The following GTF2I variants were observed in gnomAD, a reference collection of about 807,000 sequenced individuals.
The protein encoded by GTF2I is general transcription factor IIi, also known as general transcription factor II-I.
In GTF2I, 12 loss-of-function variants were observed where a neutral mutation model predicts 67.6. That is an observed-to-expected ratio of 0.18 (90% CI 0.11 to 0.29). The LOEUF is 0.29. GTF2I is among the 10% of genes least tolerant of loss of function. The pLI is 1.00. For synonymous variants in GTF2I, 149 were observed against 197.0 expected (o/e 0.76, Z 2.04); for missense variants, 271 against 580.1 (o/e 0.47, Z 5.47).
intron 3 of GTF2I, among the ~76,000 whole-genome samples, chr7:74,698,652 T>G (rs1166951854): frequency 6.7e-6 from 1 of 150,336 alleles, no homozygotes; most frequent in Non-Finnish European, 1.5e-5. Context: ...GCTCAAGCAA[T>G]CCTCCTGCTT....
At chr7:74,719,153 G>A (rs1163625973) in intron 12 of GTF2I, among the ~76,000 whole-genome samples, 3 of 152,182 alleles carry the variant, frequency 2.0e-5, no homozygotes, top group Non-Finnish European at 2.9e-5. Context: ...TGGCCCACGG[G>A]TGGCCCAAGC....
intron 12 of GTF2I, among the ~76,000 whole-genome samples, chr7:74,722,334 G>A (rs1326273045): frequency 1.3e-5 from 2 of 152,112 alleles, no homozygotes; most frequent in Admixed American, 6.6e-5. Flanking sequence ...TAATAGGACC[G>A]CATGCCTCAG....
chr7:74,727,046 A>G (rs1554405857), intron 12 of GTF2I: 2 of 152,240 alleles, frequency 1.3e-5, no homozygotes, highest in African/African-American at 4.8e-5. Flanking sequence ...AGCATTTTAT[A>G]GCGTCATTAG....
chr7:74,674,366 T>G (rs1312422229), intron 1 of GTF2I, among the ~76,000 whole-genome samples: 3 of 152,156 alleles, frequency 2.0e-5, no homozygotes, highest in Admixed American at 6.6e-5. Flanking sequence ...GCGCCCAGTC[T>G]GAGTCACTTT....
In GTF2I at chr7:74,691,198, T is replaced by C. The variant is rs1204575667; in HGVS notation, c.238+87T>C. 15 of 1,017,270 alleles carry C rather than the reference T, an allele frequency of 1.5e-5. No individual in the cohort carries two copies. The African/African-American group carries it at 1.6e-4, about 11-fold the overall frequency. The allele number at this position is 1,017,270 out of a possible 1,614,324, so 63.0% of individuals were successfully genotyped here. On this transcript the variant is annotated intron_variant, in intron 3 of 34. Transcript: ENST00000573035. The stretch of plus-strand genomic sequence containing the variant: ...AGACAAGTTATATTATTTTCTTTCT[T>C]TCTTTCTTTCTTTTTTTTTTTTTTT...
chr7:74,690,588 A>G (rs1353911639), intron 2 of GTF2I, among the ~76,000 whole-genome samples: 2 of 152,064 alleles, frequency 1.3e-5, no homozygotes, highest in East Asian at 3.9e-4. Flanking sequence ...TGTTCGAGCC[A>G]CCTTGTACAA....
At chr7:74,662,341 G>T (rs1289807329) in intron 1 of GTF2I, among the ~76,000 whole-genome samples, 1 of 150,328 alleles carries the variant, frequency 6.7e-6, no homozygotes, top group East Asian at 1.9e-4. Context: ...CTCCGGAGTA[G>T]CTGGGATCAT....
intron 1 of GTF2I, among the ~76,000 whole-genome samples, chr7:74,659,158 A>G (rs150515563): frequency 0.012 from 1,804 of 151,826 alleles, 33 homozygotes; most frequent in African/African-American, 0.042. Context: ...CCTAGGCTCA[A>G]GCGATCCTCC....
chr7:74,698,109 C>T (rs1420825295), intron 3 of GTF2I, among the ~76,000 whole-genome samples: 1 of 152,198 alleles, frequency 6.6e-6, no homozygotes, highest in African/African-American at 2.4e-5. Context: ...GCGCCCGCCA[C>T]CACGCCCGGA....
intron 1 of GTF2I, among the ~76,000 whole-genome samples, chr7:74,676,983 C>G (rs1423446634): frequency 1.3e-5 from 2 of 151,978 alleles, no homozygotes; most frequent in Admixed American, 1.3e-4. Context: ...TGCTTGAACC[C>G]AAGAGGTGGA....
At chr7:74,707,640 AG>A (rs1336959508) in intron 8 of GTF2I, among the ~76,000 whole-genome samples, 6 of 152,280 alleles carry the variant, frequency 3.9e-5, no homozygotes, top group Non-Finnish European at 7.4e-5. Flanking sequence ...GTTTTACAGA[AG>A]GTTTTTCTTT....
chr7:74,725,558 G>C (rs782760359), intron 12 of GTF2I, among the ~76,000 whole-genome samples: 1 of 151,986 alleles, frequency 6.6e-6, no homozygotes, highest in Non-Finnish European at 1.5e-5. Flanking sequence ...GCTGGGCGTG[G>C]TGGTGCAGGC....
At chr7:74,672,918 T>C (rs1584090053) in intron 1 of GTF2I, among the ~76,000 whole-genome samples, 2 of 152,342 alleles carry the variant, frequency 1.3e-5, no homozygotes, top group Non-Finnish European at 2.9e-5. Context: ...TGGAGTGCAG[T>C]GGCACGATCT....
At chr7:74,691,611 T>C (rs1262125771) in intron 3 of GTF2I, among the ~76,000 whole-genome samples, 2 of 152,204 alleles carry the variant, frequency 1.3e-5, no homozygotes, top group Non-Finnish European at 2.9e-5. Flanking sequence ...CACTGAAATA[T>C]GTCAGGATAG....
chr7:74,696,004 T>TC (rs1554398256), intron 3 of GTF2I, among the ~76,000 whole-genome samples: 1 of 152,128 alleles, frequency 6.6e-6, no homozygotes, highest in Non-Finnish European at 1.5e-5. Context: ...TAATTTTTTT[T>TC]TTTTTTTTAA....
At chr7:74,674,108 C>G (rs1471554038) in intron 1 of GTF2I, among the ~76,000 whole-genome samples, 1 of 134,928 alleles carries the variant, frequency 7.4e-6, no homozygotes, top group African/African-American at 2.7e-5. Context: ...CTTGTTCTGT[C>G]TCCCAAGCTG....
At chr7:74,664,493 G>A (rs1804796785) in intron 1 of GTF2I, among the ~76,000 whole-genome samples, 1 of 152,112 alleles carries the variant, frequency 6.6e-6, no homozygotes, top group African/African-American at 2.4e-5. Context: ...AAGTGCAATG[G>A]CGCGATCTCG....
chr7:74,700,123 T>G, intron 4 of GTF2I, 124 bp from the exon 5 acceptor site: 1 of 984,788 alleles, frequency 1.0e-6, no homozygotes, highest in South Asian at 1.7e-5. Context: ...TAGTATTAAT[T>G]AATTTTGAAA....
chr7:74,716,974 A>G, intron 11 of GTF2I, 24 bp downstream of exon 11: 1 of 1,572,388 alleles, frequency 6.4e-7, no homozygotes, highest in Non-Finnish European at 8.7e-7. Flanking sequence ...GAGATTGCAT[A>G]TTTTCCACTA....
Sources: allele counts gnomAD v4.1 joint callset (sites outside exome capture counted in the v4.1 genomes callset), GRCh38; gene constraint gnomAD v4.1.1; transcripts MANE v1.5; gene names NCBI Gene and HGNC (gene_info 2026-07-23, HGNC 2026-07-21).